The following TTL variants were observed in gnomAD, a reference collection of about 807,000 sequenced individuals.
TTL encodes the protein tubulin--tyrosine ligase.
In TTL, 10 loss-of-function variants were observed where a neutral mutation model predicts 41.1. The ratio of observed to expected loss-of-function variants is 0.24; its 90% CI spans 0.15 to 0.41. The LOEUF is 0.41. Among genes scored for constraint, TTL ranks in the 10% least tolerant of loss-of-function variants. TTL has a pLI of 1.00. For missense variants in TTL, 367 were observed against 460.4 expected (o/e 0.80, Z 1.86); for synonymous variants, 175 against 175.5 (o/e 1.00, Z 0.02).
At position 112,482,606 on chromosome 2, in the gene TTL, T is replaced by C. The variant is rs3811038; in HGVS notation, c.157+105T>C. On this transcript the variant is annotated intron_variant, in intron 1 of 6. Transcript: ENST00000233336. This position sits in a 1 kb window ranked among gnomAD's most constrained non-coding sequence, Gnocchi z 5.3. ...TTGTTTTTAAAGGTCATACATTTTC[T>C]CCTCTGTCGCTTGTCGGGCACATCA... is the stretch of plus-strand genomic sequence containing the variant. 331,987 of 1,262,700 alleles carry C rather than the reference T, an allele frequency of 0.26. 45,307 individuals are homozygous for C. Among genetic ancestry groups the C allele is most frequent in the Non-Finnish European group, 0.28 (262,566 of 947,264 alleles). 78.2% of individuals were successfully genotyped at this position (1,262,700 alleles called of 1,614,324 possible).
intron 3 of TTL, among the ~76,000 whole-genome samples, chr2:112,498,927 G>T (rs1430293221): frequency 6.6e-6 from 1 of 151,858 alleles, no homozygotes; most frequent in Admixed American, 6.6e-5. Flanking sequence ...TAAACATCTT[G>T]AAAAAGAAGA....
chr2:112,502,821 C>G, intron 4 of TTL, 91 bp from the exon 5 acceptor site: 2 of 1,436,010 alleles, frequency 1.4e-6, no homozygotes, highest in Non-Finnish European at 1.9e-6. Flanking sequence ...TTACCTACCC[C>G]ATAAAAGAAG....
intron 2 of TTL, among the ~76,000 whole-genome samples, chr2:112,487,834 A>G (rs1681281276): frequency 6.6e-6 from 1 of 152,154 alleles, no homozygotes; most frequent in African/African-American, 2.4e-5. Flanking sequence ...CCAGGATATG[A>G]TGCTTCCCTT....
intron 5 of TTL, among the ~76,000 whole-genome samples, chr2:112,517,907 G>T (rs1682113174): frequency 6.6e-6 from 1 of 151,240 alleles, no homozygotes; most frequent in Non-Finnish European, 1.5e-5. Flanking sequence ...CCATGATTGG[G>T]CCCCTGCACT....
intron 6 of TTL, among the ~76,000 whole-genome samples, chr2:112,527,813 C>T (rs1446706535): frequency 6.6e-6 from 1 of 152,096 alleles, no homozygotes; most frequent in Non-Finnish European, 1.5e-5. Context: ...CCCATTTACA[C>T]TTAAGGTTAA....
chr2:112,536,767 A>T lies in TTL; in HGVS notation c.*7972A>T, dbSNP rs1456422196. 6.6e-6 allele frequency: 1 copy of T among 152,110 alleles called. No individual in the cohort carries two copies. The highest frequency in any genetic ancestry group is 1.9e-4 in the East Asian group (1 of 5,196). The allele number at this position is 152,110 out of a possible 1,614,324, so 9.4% of individuals were successfully genotyped here. ...CTAATGTTTGGCTCCCACTTATGAG[A>T]CTGTGCAATATTTGGTTTTCTGTTC... On this transcript the variant is annotated 3_prime_UTR_variant, in exon 7 of 7. Transcript: ENST00000233336.
At chr2:112,512,891 A>C (rs1299072876) in intron 5 of TTL, among the ~76,000 whole-genome samples, 1 of 150,084 alleles carries the variant, frequency 6.7e-6, no homozygotes, top group Non-Finnish European at 1.5e-5. Context: ...TAATTATGTG[A>C]AATATTTTTA....
Position 112,531,225 on chromosome 2 carries a change from G to A in TTL, c.*2430G>A, listed in dbSNP as rs763481594. The A allele has an allele frequency of 8.9e-6, 2 of 223,548 alleles. No homozygotes were observed. The highest frequency in any genetic ancestry group is 1.8e-5 in the Non-Finnish European group (2 of 111,664). 13.8% of individuals were successfully genotyped at this position (223,548 alleles called of 1,614,324 possible). ...TTCCATGATGTCCTTGACACAGAAG[G>A]TTATGCCTGGCTCCCAGTCAGGCTT... On this transcript the variant is annotated 3_prime_UTR_variant, in exon 7 of 7. Coordinates refer to ENST00000233336, the MANE Select transcript of TTL (RefSeq NM_153712.5).
At position 112,497,484 on chromosome 2, in the gene TTL, T is replaced by G. The variant is rs1245769110; in HGVS notation, c.469+3109T>G. Among the ~76,000 whole-genome samples, 4 of 152,364 alleles carry G rather than the reference T, an allele frequency of 2.6e-5. 1 individual carries two copies. The East Asian group carries it at 7.7e-4, about 29-fold the overall frequency. On this transcript the variant is annotated intron_variant, in intron 3 of 6. Transcript: ENST00000233336. Reference sequence around the variant, plus strand: ...GTTCATGACGAACTTTTACTAAAAGTATCACCATTTTTGTTTTCTTATTTT... The same window carrying G: ...GTTCATGACGAACTTTTACTAAAAGGATCACCATTTTTGTTTTCTTATTTT...
intron 2 of TTL, among the ~76,000 whole-genome samples, chr2:112,490,252 C>T (rs552655280): frequency 1.6e-4 from 24 of 152,060 alleles, no homozygotes; most frequent in African/African-American, 5.8e-4. Flanking sequence ...CCTGCCTCTT[C>T]CAAATACAAA....
In TTL at chr2:112,482,443, CA is replaced by C; in HGVS notation, c.101del (p.Asn34ThrfsTer6). ...TGHWKRLRRD[N>X]PRFNLMLGER... ...GCCACTGGAAGAGGCTGCGGCGAGACAACCCCAGATTCAACCTGATGCTGGG... is the reference window on the plus strand; with the variant it reads ...GCCACTGGAAGAGGCTGCGGCGAGACACCCCAGATTCAACCTGATGCTGGG... On this transcript the variant is annotated frameshift_variant, in exon 1 of 7. Transcript: ENST00000233336. LOFTEE classifies it high-confidence loss of function. The surrounding 1 kb of genome is among the most constrained non-coding windows in gnomAD (Gnocchi z 5.3). 1 of 1,611,578 alleles carries C rather than the reference CA, an allele frequency of 6.2e-7. No homozygotes were observed. The highest frequency in any genetic ancestry group is 8.5e-7 in the Non-Finnish European group (1 of 1,179,076).
intron 2 of TTL, among the ~76,000 whole-genome samples, chr2:112,487,819 T>G (rs1007094956): frequency 3.9e-5 from 6 of 152,222 alleles, no homozygotes; most frequent in Admixed American, 3.9e-4. Context: ...GGGCTTGCAG[T>G]AATTCCAGGA....
Position 112,531,699 on chromosome 2 carries a change from T to A in TTL, c.*2904T>A. On this transcript the variant is annotated 3_prime_UTR_variant, in exon 7 of 7. Transcript: ENST00000233336. ...AAGGCTTATGACTTAAAAAAAAAAA[T>A]TCTTTTTGGAAACACAAGCATTTCT... is the stretch of plus-strand genomic sequence containing the variant. 1 of 222,006 alleles carries A rather than the reference T, an allele frequency of 4.5e-6. No homozygotes were observed. Among genetic ancestry groups the A allele is most frequent in the East Asian group, 6.6e-5 (1 of 15,168 alleles). 13.8% of individuals were successfully genotyped at this position (222,006 alleles called of 1,614,324 possible).
At chr2:112,490,703 C>A (rs1323769415) in intron 2 of TTL, among the ~76,000 whole-genome samples, 1 of 150,186 alleles carries the variant, frequency 6.7e-6, no homozygotes, top group Non-Finnish European at 1.5e-5. Context: ...TCCCAAGTAG[C>A]TGGGATTACA....
chr2:112,519,047 T>C (rs1682153109), intron 5 of TTL, among the ~76,000 whole-genome samples: 1 of 152,202 alleles, frequency 6.6e-6, no homozygotes, highest in South Asian at 2.1e-4. Flanking sequence ...ACCAGAGTCA[T>C]TGTAGCACAT....
At chr2:112,520,196 CA>C in intron 5 of TTL, 85 bp from the exon 6 acceptor site, 1 of 1,375,014 alleles carries the variant, frequency 7.3e-7, no homozygotes, top group Non-Finnish European at 1.0e-6. Flanking sequence ...GTATTCATCT[CA>C]TATAAAATCT....
chr2:112,503,241 T>G, intron 5 of TTL, 60 bp downstream of exon 5: 1 of 1,413,318 alleles, frequency 7.1e-7, no homozygotes, highest in Non-Finnish European at 9.5e-7. Flanking sequence ...TTGGCGTCTA[T>G]GCCTTTCAAA....
At chr2:112,488,109 C>G (rs1037429073) in intron 2 of TTL, among the ~76,000 whole-genome samples, 1 of 152,184 alleles carries the variant, frequency 6.6e-6, no homozygotes, top group African/African-American at 2.4e-5. Context: ...CAGTCCTTCC[C>G]CCTGTCACTT....
intron 6 of TTL, among the ~76,000 whole-genome samples, chr2:112,526,149 G>C (rs1682367020): frequency 6.6e-6 from 1 of 151,172 alleles, no homozygotes; most frequent in African/African-American, 2.4e-5. Flanking sequence ...CTTGATCATG[G>C]TGGATAAGCT....
Sources: allele counts gnomAD v4.1 joint callset (sites outside exome capture counted in the v4.1 genomes callset), GRCh38; gene constraint gnomAD v4.1.1; non-coding constraint Gnocchi (gnomAD v3.1); transcripts MANE v1.5; gene names NCBI Gene and HGNC (gene_info 2026-07-23, HGNC 2026-07-21).